COLEC10: variants seen among roughly 807,000 people sequenced by gnomAD.
COLEC10 encodes collectin-10.
In COLEC10, 22 loss-of-function variants were observed where a neutral mutation model predicts 28.4. The observed-to-expected ratio is 0.78, with a 90% CI of 0.55 to 1.11. The LOEUF (loss-of-function observed/expected upper bound fraction) is 1.11. COLEC10 is among the 50% of genes least tolerant of loss of function. The pLI is 0.00. For missense variants in COLEC10, 361 were observed against 344.1 expected (o/e 1.05, Z -0.39); for synonymous variants, 125 against 116.1 (o/e 1.08, Z -0.49).
chr8:118,962,192 T>G, the COLEC10 span, among the ~76,000 whole-genome samples: 1 of 152,204 alleles, frequency 6.6e-6, no homozygotes, highest in East Asian at 1.9e-4. Context: ...AATAACTGAC[T>G]GTGGTAGAGG....
chr8:119,039,558 G>A (rs1448176224), intron 2 of COLEC10, among the ~76,000 whole-genome samples: 4 of 152,152 alleles, frequency 2.6e-5, no homozygotes, highest in Non-Finnish European at 5.9e-5. Context: ...ATTTGGTGTG[G>A]AATGGTATTA....
the COLEC10 span, among the ~76,000 whole-genome samples, chr8:118,964,343 A>G: frequency 6.6e-6 from 1 of 152,220 alleles, no homozygotes; most frequent in Admixed American, 6.5e-5. Flanking sequence ...CATAGAATAT[A>G]GAGCACTAAA....
chr8:119,026,860 C>T (rs913384065), intron 2 of COLEC10, among the ~76,000 whole-genome samples: 7 of 152,086 alleles, frequency 4.6e-5, no homozygotes, highest in African/African-American at 1.2e-4. Context: ...TGCAAACTTG[C>T]ATCTATCAAT....
At chr8:119,078,037 C>T (rs1016320837) in intron 1 of COLEC10, among the ~76,000 whole-genome samples, 9 of 152,142 alleles carry the variant, frequency 5.9e-5, no homozygotes, top group Non-Finnish European at 8.8e-5. Flanking sequence ...ATAACCAGAT[C>T]CTGTGTAAAC....
At chr8:119,049,164 C>T (rs997232389) in intron 2 of COLEC10, among the ~76,000 whole-genome samples, 11 of 152,068 alleles carry the variant, frequency 7.2e-5, no homozygotes, top group Admixed American at 2.0e-4. Context: ...AATAGTCCCC[C>T]AATCTCTTCT....
At chr8:118,966,112 T>G in the COLEC10 span, among the ~76,000 whole-genome samples, 1 of 152,102 alleles carries the variant, frequency 6.6e-6, no homozygotes, top group African/African-American at 2.4e-5. Context: ...GAAAGTTTAC[T>G]GAAAATACCA....
chr8:118,963,944 T>G, the COLEC10 span, among the ~76,000 whole-genome samples: 1 of 152,100 alleles, frequency 6.6e-6, no homozygotes, highest in Non-Finnish European at 1.5e-5. Flanking sequence ...CTTGGGGGGA[T>G]GCATGTTGAA....
intron 1 of COLEC10, among the ~76,000 whole-genome samples, chr8:119,081,795 C>T (rs1027825352): frequency 6.6e-6 from 1 of 152,080 alleles, no homozygotes; most frequent in Non-Finnish European, 1.5e-5. Flanking sequence ...TTGAAGTGGC[C>T]TATAAACACA....
chr8:118,955,450 G>T, the COLEC10 span, among the ~76,000 whole-genome samples: 2 of 152,180 alleles, frequency 1.3e-5, no homozygotes, highest in South Asian at 2.1e-4. Flanking sequence ...TGGACTAGGG[G>T]TAAGTAGTTG....
chr8:119,101,349 T>C (rs1488593552), intron 3 of COLEC10, among the ~76,000 whole-genome samples: 1 of 152,202 alleles, frequency 6.6e-6, no homozygotes, highest in African/African-American at 2.4e-5. Context: ...TCTTCCCTTT[T>C]GATTCTCAAG....
chr8:118,972,917 C>T, the COLEC10 span, among the ~76,000 whole-genome samples: 1 of 152,090 alleles, frequency 6.6e-6, no homozygotes, highest in Admixed American at 6.6e-5. Context: ...ACGTATTTTT[C>T]TTCACATGAC....
rs550315848 is a variant in COLEC10, at chr8:119,010,238, C to T, written n.235+685C>T. Among the ~76,000 whole-genome samples the T allele has an allele frequency of 4.7e-3, 709 of 150,812 alleles. 8 individuals are homozygous for T. The highest frequency in any genetic ancestry group is 8.2e-3 in the Admixed American group (125 of 15,208). On this transcript the variant is annotated intron_variant and non_coding_transcript_variant, in intron 2 of 6. Transcript: ENST00000521788. ...ACTATCTTCAGCGTTTTGCCCATTC[C>T]GGAGTGTCAAATAGTTGGGATACTA...
At chr8:119,080,638 T>C (rs1162646974) in intron 1 of COLEC10, among the ~76,000 whole-genome samples, 1 of 152,142 alleles carries the variant, frequency 6.6e-6, no homozygotes, top group Non-Finnish European at 1.5e-5. Context: ...TTATGTTTTA[T>C]GTTGCAAGAG....
intron 1 of COLEC10, among the ~76,000 whole-genome samples, chr8:119,071,688 G>A (rs1004685044): frequency 6.6e-6 from 1 of 152,066 alleles, no homozygotes; most frequent in African/African-American, 2.4e-5. Flanking sequence ...GTCCTGGAGT[G>A]CAAGCTTCCC....
At chr8:119,024,965 T>C (rs1237854709) in intron 2 of COLEC10, among the ~76,000 whole-genome samples, 1 of 152,130 alleles carries the variant, frequency 6.6e-6, no homozygotes. Flanking sequence ...AGACCTGTAA[T>C]TCCCTCCACC....
the COLEC10 span, among the ~76,000 whole-genome samples, chr8:118,986,644 A>G: frequency 6.6e-6 from 1 of 152,232 alleles, no homozygotes; most frequent in African/African-American, 2.4e-5. Flanking sequence ...TCAAATGTCC[A>G]TAAACAGATG....
intron 3 of COLEC10, among the ~76,000 whole-genome samples, chr8:119,097,864 A>C (rs1563743261): frequency 6.6e-6 from 1 of 151,858 alleles, no homozygotes; most frequent in Non-Finnish European, 1.5e-5. Context: ...GAATTGAAGA[A>C]CTTTTTTTTT....
At chr8:118,964,255 T>A in the COLEC10 span, among the ~76,000 whole-genome samples, 2 of 152,220 alleles carry the variant, frequency 1.3e-5, no homozygotes, top group Admixed American at 1.3e-4. Context: ...CTGACACTTG[T>A]ATCTGCATGC....
At chr8:119,084,953 A>T (rs1455362254) in intron 1 of COLEC10, among the ~76,000 whole-genome samples, 1 of 152,192 alleles carries the variant, frequency 6.6e-6, no homozygotes, top group Non-Finnish European at 1.5e-5. Flanking sequence ...TCACTTATCT[A>T]CTTCTATTCT....
Sources: allele counts gnomAD v4.1 joint callset (sites outside exome capture counted in the v4.1 genomes callset), GRCh38; gene constraint gnomAD v4.1.1; transcripts MANE v1.5; gene names NCBI Gene and HGNC (gene_info 2026-07-23, HGNC 2026-07-21).